Variants in CDH2 observed in about 807,000 individuals in gnomAD.
CDH2 encodes cadherin-2.
Under a neutral mutation model 92.0 loss-of-function variants are expected in CDH2, and 17 were observed. That is an observed-to-expected ratio of 0.18 (90% CI 0.13 to 0.28). The LOEUF (loss-of-function observed/expected upper bound fraction) is 0.28. Ranked by LOEUF, CDH2 falls within the 10% of genes least tolerant of loss-of-function variation. The pLI is 1.00. For missense variants in CDH2, 862 were observed against 1,133.1 expected, an observed-to-expected ratio of 0.76 and a Z score of 3.44; for synonymous variants, 419 against 415.9, an observed-to-expected ratio of 1.01 and a Z score of -0.09.
intron 15 of CDH2, among the ~76,000 whole-genome samples, chr18:27,955,243 G>T (rs1909648326): frequency 6.6e-6 from 1 of 151,934 alleles, no homozygotes; most frequent in Admixed American, 6.6e-5. Flanking sequence ...ATTAGGGATA[G>T]CATTAGGAGA....
At chr18:28,115,002 C>T (rs1246410377) in intron 2 of CDH2, among the ~76,000 whole-genome samples, 3 of 152,130 alleles carry the variant, frequency 2.0e-5, no homozygotes. Context: ...CTTGCCCAGT[C>T]CAGCTAAGTG....
chr18:27,961,618 A>G (rs1022208046), intron 15 of CDH2, among the ~76,000 whole-genome samples: 1 of 152,188 alleles, frequency 6.6e-6, no homozygotes, highest in Non-Finnish European at 1.5e-5. Flanking sequence ...GGGGTAGAAG[A>G]AGGCAGGAAT....
At chr18:28,129,819 TTAAA>T (rs2015736805) in intron 2 of CDH2, among the ~76,000 whole-genome samples, 1 of 152,140 alleles carries the variant, frequency 6.6e-6, no homozygotes, top group Admixed American at 6.5e-5. Flanking sequence ...AATTAATTAA[TTAAA>T]TTTTAAAAAA....
chr18:28,059,016 T>G (rs773529170), intron 2 of CDH2, among the ~76,000 whole-genome samples: 1 of 152,206 alleles, frequency 6.6e-6, no homozygotes, highest in Admixed American at 6.5e-5. Flanking sequence ...TTGATTTTAG[T>G]TGGTTTGATT....
chr18:28,015,436 A>T (rs770620104), intron 2 of CDH2, among the ~76,000 whole-genome samples: 1 of 152,188 alleles, frequency 6.6e-6, no homozygotes, highest in Non-Finnish European at 1.5e-5. Context: ...ATGCCCCATG[A>T]TTTAAAAGTG....
chr18:27,956,743 C>T (rs975794188), intron 15 of CDH2, among the ~76,000 whole-genome samples: 1 of 152,088 alleles, frequency 6.6e-6, no homozygotes, highest in African/African-American at 2.4e-5. Context: ...GTTCCCCCGA[C>T]AATGGGCAAA....
At chr18:28,113,457 G>T (rs1296468905) in intron 2 of CDH2, among the ~76,000 whole-genome samples, 4 of 147,674 alleles carry the variant, frequency 2.7e-5, no homozygotes, top group Non-Finnish European at 5.9e-5. Context: ...TCAATATACT[G>T]AGGTAAGCCA....
intron 1 of CDH2, among the ~76,000 whole-genome samples, chr18:28,148,168 T>A (rs906943228): frequency 7.9e-5 from 12 of 152,204 alleles, no homozygotes; most frequent in Admixed American, 7.9e-4. Flanking sequence ...GAAAAATGTA[T>A]ACATTCAAGT....
At chr18:28,101,210 A>G (rs562070816) in intron 2 of CDH2, among the ~76,000 whole-genome samples, 1 of 152,250 alleles carries the variant, frequency 6.6e-6, no homozygotes, top group Admixed American at 6.5e-5. Context: ...GCTCTAGAAC[A>G]CCTTAGCAGT....
chr18:28,051,956 T>C (rs538751762), intron 2 of CDH2, among the ~76,000 whole-genome samples: 1 of 152,314 alleles, frequency 6.6e-6, no homozygotes, highest in African/African-American at 2.4e-5. Context: ...ATGTTTTATA[T>C]ATCCATTTTA....
intron 2 of CDH2, among the ~76,000 whole-genome samples, chr18:28,052,978 T>C (rs1212906528): frequency 6.6e-6 from 1 of 152,114 alleles, no homozygotes; most frequent in African/African-American, 2.4e-5. Context: ...CCTAATCCAA[T>C]ATGCCTGGTG....
chr18:28,090,226 A>T (rs1467447278), intron 2 of CDH2, among the ~76,000 whole-genome samples: 1 of 152,200 alleles, frequency 6.6e-6, no homozygotes, highest in Non-Finnish European at 1.5e-5. Flanking sequence ...CAATGCCTAT[A>T]AACTACTTTG....
chr18:28,135,409 G>C (rs1199411290), intron 2 of CDH2, among the ~76,000 whole-genome samples: 1 of 152,078 alleles, frequency 6.6e-6, no homozygotes. Flanking sequence ...TTTGAGATGG[G>C]TTAAACCCTT....
intron 2 of CDH2, among the ~76,000 whole-genome samples, chr18:28,076,641 T>C (rs893645795): frequency 2.6e-5 from 4 of 151,578 alleles, no homozygotes; most frequent in Non-Finnish European, 5.9e-5. Flanking sequence ...GCTGCACCCA[T>C]TAACTCATCA....
chr18:28,027,705 G>C (rs2013592114), intron 2 of CDH2, among the ~76,000 whole-genome samples: 1 of 152,032 alleles, frequency 6.6e-6, no homozygotes, highest in Non-Finnish European at 1.5e-5. Context: ...TAACTCAAAA[G>C]TTTTTAAGCT....
At chr18:27,978,305 C>A (rs990502731) in intron 14 of CDH2, among the ~76,000 whole-genome samples, 21 of 152,120 alleles carry the variant, frequency 1.4e-4, no homozygotes, top group African/African-American at 5.1e-4. Flanking sequence ...TTTCAAGACA[C>A]TAGAAAGCTA....
At chr18:28,069,740 A>G (rs2014579796) in intron 2 of CDH2, among the ~76,000 whole-genome samples, 1 of 152,150 alleles carries the variant, frequency 6.6e-6, no homozygotes, top group South Asian at 2.1e-4. Context: ...GGCATCTACC[A>G]TATTTTATGT....
At chr18:28,007,878 C>T (rs955763983) in intron 5 of CDH2, among the ~76,000 whole-genome samples, 7 of 152,036 alleles carry the variant, frequency 4.6e-5, no homozygotes, top group African/African-American at 1.7e-4. Flanking sequence ...TACAGGCGTG[C>T]ACCACTGCAG....
At chr18:27,985,835 A>ACCGAG in intron 11 of CDH2, 74 bp from the exon 12 acceptor site, 1 of 879,480 alleles carries the variant, frequency 1.1e-6, no homozygotes, top group South Asian at 1.6e-5. Context: ...TGAAATTCTC[A>ACCGAG]AAGCTTCTAA....
Sources: gnomAD v4.1 joint callset for allele counts (sites outside exome capture counted in the v4.1 genomes callset) on GRCh38, gnomAD v4.1.1 for gene constraint, MANE v1.5 for transcripts, NCBI Gene and HGNC (gene_info 2026-07-23, HGNC 2026-07-21) for gene names.